The following NCKAP5 variants were observed in gnomAD, a reference collection of about 807,000 sequenced individuals.
NCKAP5 encodes NCK associated protein 5, also known as nck-associated protein 5.
NCKAP5 carries 92 observed loss-of-function variants against 167.0 expected under a neutral mutation model. That is an observed-to-expected ratio of 0.55 (90% confidence interval 0.47 to 0.66). The LOEUF (loss-of-function observed/expected upper bound fraction) is 0.66. NCKAP5 is among the 30% of genes least tolerant of loss of function. The pLI is 0.00. For synonymous variants in NCKAP5, 891 were observed against 877.4 expected, an observed-to-expected ratio of 1.02 and a Z score of -0.27; for missense variants, 2,378 against 2,315.0, an observed-to-expected ratio of 1.03 and a Z score of -0.56.
chr2:133,290,729 T>TTA (rs1679527208), intron 4 of NCKAP5, among the ~76,000 whole-genome samples: 1 of 3,524 alleles, frequency 2.8e-4, no homozygotes, highest in Non-Finnish European at 9.3e-4. Flanking sequence ...GAATTTCTCC[T>TTA]TTTTTTTTTT....
intron 19 of NCKAP5, among the ~76,000 whole-genome samples, chr2:132,696,319 T>G (rs1687303884): frequency 6.6e-6 from 1 of 152,258 alleles, no homozygotes; most frequent in Non-Finnish European, 1.5e-5. Flanking sequence ...AGTATGGAGA[T>G]GTTTCAATTT....
chr2:133,448,882 C>T (rs1254919856), intron 3 of NCKAP5, among the ~76,000 whole-genome samples: 5 of 152,170 alleles, frequency 3.3e-5, no homozygotes, highest in African/African-American at 1.2e-4. Context: ...TCCAGCGAGC[C>T]ACCCACCTTA....
chr2:133,426,524 C>G (rs4953881), intron 3 of NCKAP5, among the ~76,000 whole-genome samples: 69,532 of 150,572 alleles, frequency 0.46, 16,222 homozygotes, highest in African/African-American at 0.54. Flanking sequence ...AAATCAGATA[C>G]AGACACTATA....
In NCKAP5 at chr2:132,673,295, T is replaced by G; in HGVS notation, c.5724A>C (p.Thr1908=). The G allele has an allele frequency of 6.7e-7, 1 of 1,495,100 alleles. No individual in the cohort carries two copies. The highest frequency in any genetic ancestry group is 9.0e-7 in the Non-Finnish European group (1 of 1,111,510). 92.6% of individuals were successfully genotyped at this position (1,495,100 alleles called of 1,614,324 possible). A position where few individuals can be genotyped will look rare whatever the true frequency, so the allele number is the denominator to read the frequency against. ...GGGATCGTCTTTTGTTTCTTCAAGT[T>G]GTCTCAATTTCTGCAATAAAAAGAA... is the stretch of plus-strand genomic sequence containing the variant. ...ALKSAAPEIE[T]T The change falls in exon 20 of 20, where the codon ACA becomes ACC. Residue 1908 remains threonine, a synonymous_variant. Transcript: ENST00000409261.
chr2:133,373,587 A>G (rs978101583), intron 3 of NCKAP5, among the ~76,000 whole-genome samples: 1 of 152,226 alleles, frequency 6.6e-6, no homozygotes, highest in Non-Finnish European at 1.5e-5. Flanking sequence ...TGGAGAAGCC[A>G]AAGACCCTGA....
chr2:133,566,072 G>A (rs948809274), intron 1 of NCKAP5, among the ~76,000 whole-genome samples: 1 of 152,104 alleles, frequency 6.6e-6, no homozygotes, highest in Non-Finnish European at 1.5e-5. Flanking sequence ...AAGGCCCCCC[G>A]CCCCTAGGTA....
At chr2:133,459,769 G>T (rs553735220) in intron 3 of NCKAP5, among the ~76,000 whole-genome samples, 1 of 152,246 alleles carries the variant, frequency 6.6e-6, no homozygotes, top group Admixed American at 6.5e-5. Context: ...ATCACACAAT[G>T]CATGGGTAAT....
the NCKAP5 span, among the ~76,000 whole-genome samples, chr2:133,573,803 T>A: frequency 6.6e-6 from 1 of 152,222 alleles, no homozygotes; most frequent in East Asian, 1.9e-4. Flanking sequence ...GGAGCCGTAA[T>A]CTTCTCCTGA....
intron 19 of NCKAP5, among the ~76,000 whole-genome samples, chr2:132,712,638 T>G (rs976057439): frequency 2.0e-5 from 3 of 151,112 alleles, no homozygotes; most frequent in Non-Finnish European, 4.4e-5. Context: ...GGCAACAGAG[T>G]GAGATTCTGT....
chr2:132,718,741 A>G (rs1166153305), intron 19 of NCKAP5, among the ~76,000 whole-genome samples: 1 of 152,220 alleles, frequency 6.6e-6, no homozygotes, highest in Non-Finnish European at 1.5e-5. Context: ...ACAAGACCAT[A>G]GTCAATGCAG....
intron 11 of NCKAP5, among the ~76,000 whole-genome samples, chr2:132,856,486 T>A (rs1155819): frequency 0.17 from 25,693 of 152,250 alleles, 2,639 homozygotes; most frequent in East Asian, 0.32. Context: ...TCCTCCACTG[T>A]TGATGTGAAT....
chr2:133,282,306 G>A (rs767555734), intron 4 of NCKAP5, among the ~76,000 whole-genome samples: 1 of 152,166 alleles, frequency 6.6e-6, no homozygotes, highest in Non-Finnish European at 1.5e-5. Flanking sequence ...AAGCAGAGAT[G>A]AGGGCAAAAA....
intron 4 of NCKAP5, among the ~76,000 whole-genome samples, chr2:133,249,022 A>G (rs2088154648): frequency 6.6e-6 from 1 of 152,142 alleles, no homozygotes; most frequent in Admixed American, 6.5e-5. Flanking sequence ...AATTCATTTA[A>G]CCTGGACCGT....
intron 6 of NCKAP5, among the ~76,000 whole-genome samples, chr2:133,111,577 A>T (rs1432908259): frequency 6.6e-6 from 1 of 151,976 alleles, no homozygotes; most frequent in Non-Finnish European, 1.5e-5. Context: ...GTAGAACCTC[A>T]CTCTACAAAC....
At chr2:132,920,552 C>G (rs1269212722) in intron 8 of NCKAP5, among the ~76,000 whole-genome samples, 1 of 149,610 alleles carries the variant, frequency 6.7e-6, no homozygotes, top group Admixed American at 6.7e-5. Flanking sequence ...TAAGAAAATT[C>G]AACACTTGCC....
intron 3 of NCKAP5, among the ~76,000 whole-genome samples, chr2:133,328,303 G>A (rs1405229486): frequency 6.6e-6 from 1 of 152,208 alleles, no homozygotes; most frequent in East Asian, 1.9e-4. Flanking sequence ...GGAGAATAGA[G>A]GGTTGAGGCT....
intron 4 of NCKAP5, among the ~76,000 whole-genome samples, chr2:133,270,906 C>G (rs2089478056): frequency 6.7e-6 from 1 of 149,258 alleles, no homozygotes; most frequent in Non-Finnish European, 1.5e-5. Context: ...TTTTTTGTTG[C>G]TTCAAATTTT....
chr2:133,290,818 A>C (rs1336630521), intron 4 of NCKAP5, among the ~76,000 whole-genome samples: 1 of 147,054 alleles, frequency 6.8e-6, no homozygotes, highest in Admixed American at 7.1e-5. Context: ...CAGTGGCAGG[A>C]ACAAAGCTCA....
At chr2:133,515,117 C>T (rs1683873774) in intron 3 of NCKAP5, among the ~76,000 whole-genome samples, 1 of 152,118 alleles carries the variant, frequency 6.6e-6, no homozygotes, top group African/African-American at 2.4e-5. Context: ...GTTCAGATCC[C>T]TCACAGGCCA....
Sources: gnomAD v4.1 joint callset for allele counts (sites outside exome capture counted in the v4.1 genomes callset) on GRCh38, gnomAD v4.1.1 for gene constraint, MANE v1.5 for transcripts, NCBI Gene and HGNC (gene_info 2026-07-23, HGNC 2026-07-21) for gene names.